The following SERPINB6 variants were observed in gnomAD, a reference collection of about 807,000 sequenced individuals.
The protein encoded by SERPINB6 is serpin B6.
In SERPINB6, 16 loss-of-function variants were observed where a neutral mutation model predicts 26.1. The observed-to-expected ratio is 0.61, with a 90% CI of 0.42 to 0.93. The LOEUF (loss-of-function observed/expected upper bound fraction) is 0.93, where lower values mean the gene tolerates loss of function less well. Ranked by LOEUF, SERPINB6 falls within the 40% of genes least tolerant of loss-of-function variation. SERPINB6 has a pLI of 0.00. For missense variants in SERPINB6, 420 were observed against 478.0 expected (o/e 0.88, Z 1.13); for synonymous variants, 174 against 176.6 (o/e 0.99, Z 0.11).
intron 4 of SERPINB6, among the ~76,000 whole-genome samples, chr6:2,953,773 G>A (rs1770094175): frequency 6.6e-6 from 1 of 152,190 alleles, no homozygotes; most frequent in Non-Finnish European, 1.5e-5. Context: ...AATTGATGCT[G>A]TAATCCCAGC....
chr6:2,971,118 T>G (rs1003583650), intron 1 of SERPINB6: 11 of 1,058,484 alleles, frequency 1.0e-5, no homozygotes, highest in African/African-American at 3.3e-5. Context: ...CGGGGTCACC[T>G]GTGGCCCGGG....
At chr6:2,966,056 T>C (rs970628595) in intron 1 of SERPINB6, among the ~76,000 whole-genome samples, 1 of 152,216 alleles carries the variant, frequency 6.6e-6, no homozygotes, top group Non-Finnish European at 1.5e-5. Context: ...AATACGGAGT[T>C]TTCCTCTATC....
intron 2 of SERPINB6, 63 bp from the exon 3 acceptor site, chr6:2,955,733 C>A: frequency 6.3e-7 from 1 of 1,575,920 alleles, no homozygotes; most frequent in Non-Finnish European, 8.7e-7. Flanking sequence ...GGAAATGGGG[C>A]AACCCCAAAC....
intron 3 of SERPINB6, 187 bp downstream of exon 3, chr6:2,955,336 CA>C: frequency 1.5e-6 from 1 of 666,308 alleles, no homozygotes; most frequent in Non-Finnish European, 2.6e-6. Context: ...CAAGACACTT[CA>C]AAAGCGTGAA....
intron 1 of SERPINB6, 92 bp from the exon 2 acceptor site, chr6:2,959,434 G>C: frequency 7.9e-7 from 1 of 1,263,828 alleles, no homozygotes; most frequent in Non-Finnish European, 1.1e-6. Context: ...CCGATGCTGT[G>C]GTTCAGTGGG....
intron 5 of SERPINB6, among the ~76,000 whole-genome samples, chr6:2,950,532 CA>C (rs5873848): frequency 0.76 from 84,080 of 109,944 alleles, 30,671 homozygotes; most frequent in East Asian, 0.93. Flanking sequence ...GACTCCATCT[CA>C]AAAAAAAAAA....
intron 1 of SERPINB6, among the ~76,000 whole-genome samples, chr6:2,965,075 T>C (rs988150356): frequency 3.9e-5 from 6 of 152,262 alleles, no homozygotes; most frequent in Non-Finnish European, 5.9e-5. Flanking sequence ...TATCACTAAA[T>C]AGCATTCGAT....
intron 1 of SERPINB6, chr6:2,968,988 C>A: frequency 8.2e-7 from 1 of 1,218,160 alleles, no homozygotes; most frequent in South Asian, 4.3e-5. Context: ...CACGTCCCCA[C>A]TGCCTCCCCC....
chr6:2,948,939 G>A lies in SERPINB6; in HGVS notation c.704C>T (p.Pro235Leu), dbSNP rs772585965. The change falls in exon 6 of 7, where the codon CCG becomes CTG. Residue 235 changes from proline (P) to leucine (L), a missense_variant. Physicochemically the swap from Pro to Leu is moderately conservative, Grantham distance 98 (BLOSUM62 -3). Coordinates refer to ENST00000380539, the MANE Select transcript of SERPINB6 (RefSeq NM_004568.6). The surrounding 1 kb of genome is among the most constrained non-coding windows in gnomAD (Gnocchi z 5.0). ...CGTTCTCAAGTCAGTGGTCTCGTCC[G>A]GAAGCATGATGATCATATTCAGTTC... ...GKELNMIIML[P>L]DETTDLRTVE... 2.8e-5 allele frequency: 46 copies of A among 1,614,044 alleles called. No homozygotes were observed. In the South Asian group the frequency reaches 3.1e-4, roughly 11 times the overall value.
At chr6:2,970,203 G>C in intron 1 of SERPINB6, 1 of 985,268 alleles carries the variant, frequency 1.0e-6, no homozygotes, top group Non-Finnish European at 1.2e-6. Flanking sequence ...ATGTGGAAAA[G>C]AATGTTGGTT....
At chr6:2,961,653 C>G (rs957481400) in intron 1 of SERPINB6, among the ~76,000 whole-genome samples, 3 of 152,130 alleles carry the variant, frequency 2.0e-5, no homozygotes, top group Admixed American at 2.0e-4. Context: ...CAGCAGACAC[C>G]CTGACACGTG....
chr6:2,958,446 C>T (rs1011022986), intron 2 of SERPINB6, among the ~76,000 whole-genome samples: 3 of 152,178 alleles, frequency 2.0e-5, no homozygotes, highest in African/African-American at 7.2e-5. Flanking sequence ...GCAAGCAGGA[C>T]ACAGGCGGGG....
intron 5 of SERPINB6, among the ~76,000 whole-genome samples, chr6:2,949,858 G>C (rs1407037278): frequency 2.6e-5 from 4 of 152,148 alleles, no homozygotes; most frequent in Non-Finnish European, 5.9e-5. Context: ...CTCTCCCTTT[G>C]CTTATCTGCT....
At chr6:2,970,019 G>T in intron 1 of SERPINB6, 1 of 934,192 alleles carries the variant, frequency 1.1e-6, no homozygotes, top group Non-Finnish European at 1.3e-6. Flanking sequence ...GGTGGAGGTT[G>T]CAGTCAGCCG....
intron 1 of SERPINB6, chr6:2,959,709 G>A (rs960488779): frequency 2.2e-5 from 7 of 312,176 alleles, no homozygotes; most frequent in South Asian, 6.5e-5. Flanking sequence ...TGTGTTTTGC[G>A]GGCTTAAATG....
chr6:2,953,383 T>G (rs1770049775), intron 4 of SERPINB6, among the ~76,000 whole-genome samples, 197 bp from the exon 5 acceptor site: 1 of 152,190 alleles, frequency 6.6e-6, no homozygotes, highest in African/African-American at 2.4e-5. Context: ...ATCAATTGAA[T>G]AAAACACACA....
Position 2,948,476 on chromosome 6 carries a change from T to C in SERPINB6, c.953A>G (p.Lys318Arg). ...TDLSLSKVVH[K>R]SFVEVNEEGT... Reference sequence around the variant, plus strand: ...TTCCTCATTGACCTCCACAAAAGACTTGTGCACGACCTTGGACAGAGACAG... The same window carrying C: ...TTCCTCATTGACCTCCACAAAAGACCTGTGCACGACCTTGGACAGAGACAG... The change falls in exon 7 of 7, where the codon AAG becomes AGG. Residue 318 changes from lysine to arginine, a missense_variant. Coordinates refer to ENST00000380539, the MANE Select transcript of SERPINB6 (RefSeq NM_004568.6). The surrounding 1 kb of genome is among the most constrained non-coding windows in gnomAD (Gnocchi z 5.0). 1 of 1,614,158 alleles carries C rather than the reference T, an allele frequency of 6.2e-7. No individual in the cohort carries two copies. Among genetic ancestry groups the C allele is most frequent in the South Asian group, 1.1e-5 (1 of 91,086 alleles).
rs760194824 is a variant in SERPINB6, at chr6:2,948,407, C to T, written c.1022G>A (p.Arg341Gln). The change falls in exon 7 of 7, where the codon CGG (arginine) becomes CAG (glutamine). Residue 341 changes from arginine (R) to glutamine (Q), a missense_variant. Transcript: ENST00000380539. This position sits in a 1 kb window ranked among gnomAD's most constrained non-coding sequence, Gnocchi z 5.0. Reference sequence around the variant, plus strand: ...GAAGCGGGGGACGAATCTGGCACACCGCATCATCATGATGGCAGCTGTGGC... The same window carrying T: ...GAAGCGGGGGACGAATCTGGCACACTGCATCATCATGATGGCAGCTGTGGC... ...AAATAAIMMM[R>Q]CARFVPRFCA... 67 of 1,613,996 alleles carry T rather than the reference C, an allele frequency of 4.2e-5. No individual in the cohort carries two copies. Among genetic ancestry groups the T allele is most frequent in the Non-Finnish European group, 4.8e-5 (57 of 1,180,024 alleles).
At chr6:2,960,529 G>A (rs940112847) in intron 1 of SERPINB6, 1 of 152,314 alleles carries the variant, frequency 6.6e-6, no homozygotes, top group Non-Finnish European at 1.5e-5. Flanking sequence ...CCCAGTCAGA[G>A]AATGCCAGCA....
Sources: gnomAD v4.1 joint callset for allele counts (sites outside exome capture counted in the v4.1 genomes callset) on GRCh38, gnomAD v4.1.1 for gene constraint, Gnocchi (gnomAD v3.1) non-coding constraint, MANE v1.5 for transcripts, NCBI Gene and HGNC (gene_info 2026-07-23, HGNC 2026-07-21) for gene names.